The following SLK variants were observed in gnomAD, a reference collection of about 807,000 sequenced individuals.
SLK encodes STE20 like kinase, also known as STE20-like serine/threonine-protein kinase.
SLK carries 67 observed loss-of-function variants against 147.7 expected under a neutral mutation model. The ratio of observed to expected loss-of-function variants is 0.45; its 90% CI spans 0.37 to 0.56. The LOEUF (loss-of-function observed/expected upper bound fraction) is 0.56, where lower values mean the gene tolerates loss of function less well. Among genes scored for constraint, SLK ranks in the 20% least tolerant of loss-of-function variants. The pLI, the probability that SLK is intolerant of heterozygous loss-of-function variation, is 0.00. For missense variants in SLK, 1,136 were observed against 1,438.8 expected, an observed-to-expected ratio of 0.79 and a Z score of 3.41; for synonymous variants, 441 against 475.0, an observed-to-expected ratio of 0.93 and a Z score of 0.93.
intron 4 of SLK, among the ~76,000 whole-genome samples, chr10:103,994,034 G>A (rs1357573448): frequency 6.6e-6 from 1 of 151,988 alleles, no homozygotes; most frequent in Non-Finnish European, 1.5e-5. Flanking sequence ...AGCTGGAACT[G>A]CAGGCATGCA....
chr10:104,018,838 A>G lies in SLK; in HGVS notation c.3062A>G (p.Gln1021Arg). The G allele has an allele frequency of 6.2e-7, 1 of 1,613,420 alleles. No individual in the cohort carries two copies. The highest frequency in any genetic ancestry group is 1.1e-5 in the South Asian group (1 of 90,850). ...LEERHLQEKH[Q>R]LLKQQLKDQY... Reference sequence around the variant, plus strand: ...GAACGACACTTACAAGAAAAACACCAGCTGCTCAAACAGCAGCTTAAAGAT... The same window carrying G: ...GAACGACACTTACAAGAAAAACACCGGCTGCTCAAACAGCAGCTTAAAGAT... The change falls in exon 15 of 19, where the codon CAG becomes CGG. Residue 1021 changes from glutamine to arginine, a missense_variant. Gln to Arg is a conservative substitution (Grantham distance 43). Transcript: ENST00000369755.
At position 104,001,449 on chromosome 10, in the gene SLK, C is replaced by G. The variant is rs1314576945; in HGVS notation, c.870C>G (p.Pro290=). The G allele has an allele frequency of 6.2e-7, 1 of 1,612,912 alleles. No homozygotes were observed. Among genetic ancestry groups the G allele is most frequent in the Non-Finnish European group, 8.5e-7 (1 of 1,179,182 alleles). Residue 290 remains proline (P), a synonymous_variant, in exon 8 of 19, where the codon CCC becomes CCG. Coordinates refer to ENST00000369755, the MANE Select transcript of SLK (RefSeq NM_014720.4). The part of the protein sequence containing the change: ...RWTTSQLLQH[P]FVTVDSNKPI... ...TTCTTTTTAATGATCAACAGCATCC[C>G]TTTGTTACTGTTGATTCCAACAAAC... is the stretch of plus-strand genomic sequence containing the variant.
intron 13 of SLK, among the ~76,000 whole-genome samples, chr10:104,014,280 T>C (rs1014059283): frequency 6.6e-6 from 1 of 152,252 alleles, no homozygotes; most frequent in Admixed American, 6.5e-5. Context: ...TTTCCATTTA[T>C]TCAAGTAGTC....
intron 1 of SLK, among the ~76,000 whole-genome samples, chr10:103,989,428 C>T (rs944551813): frequency 6.7e-6 from 1 of 149,492 alleles, no homozygotes. Flanking sequence ...TGTATGCAGA[C>T]TCTTTCAGCC....
intron 2 of SLK, among the ~76,000 whole-genome samples, chr10:103,991,725 A>G (rs1280382794): frequency 6.6e-6 from 1 of 152,102 alleles, no homozygotes; most frequent in Non-Finnish European, 1.5e-5. Flanking sequence ...AAAAAAAAAT[A>G]AAGCATTATG....
At position 103,992,973 on chromosome 10, in the gene SLK, TCTC is replaced by T. The variant is rs1449171484; in HGVS notation, c.365-8_365-6del. 8 of 1,599,730 alleles carry T rather than the reference TCTC, an allele frequency of 5.0e-6. No homozygotes were observed. Among genetic ancestry groups the T allele is most frequent in the Non-Finnish European group, 6.8e-6 (8 of 1,174,196 alleles). On this transcript the variant is annotated splice_region_variant and splice_polypyrimidine_tract_variant and intron_variant, in intron 3 of 18. Coordinates refer to ENST00000369755, the MANE Select transcript of SLK (RefSeq NM_014720.4). ...AAAAAGCAGATTTTTTTTTTTACTT[TCTC>T]CTTATAGAACTTGAGAGACCATTAA... is the stretch of plus-strand genomic sequence containing the variant.
chr10:103,973,890 GA>G (rs146658628), intron 1 of SLK, among the ~76,000 whole-genome samples: 30,108 of 152,024 alleles, frequency 0.2, 3,244 homozygotes, highest in Non-Finnish European at 0.24. Flanking sequence ...AGTTTTTAAA[GA>G]ATTTTTAAGA....
Position 103,998,794 on chromosome 10 carries a change from A to G in SLK, c.515-105A>G, listed in dbSNP as rs1035445048. 1.9e-5 allele frequency: 13 copies of G among 667,006 alleles called. No individual in the cohort carries two copies. The African/African-American group carries it at 2.4e-4, about 12-fold the overall frequency. The allele number at this position is 667,006 out of a possible 1,614,324, so 41.3% of individuals were successfully genotyped here. On this transcript the variant is annotated intron_variant, in intron 4 of 18. Coordinates refer to ENST00000369755, the MANE Select transcript of SLK (RefSeq NM_014720.4). ...TCTTTCTGTTTAACTTACTTTTTAT[A>G]ATAAGATTAGCCTTATTAAAGACTT...
chr10:104,019,593 G>A, intron 15 of SLK, 141 bp from the exon 16 acceptor site: 1 of 700,594 alleles, frequency 1.4e-6, no homozygotes, highest in South Asian at 1.8e-5. Flanking sequence ...AAGTTATTTT[G>A]TGCCTAGTAT....
chr10:104,016,302 G>GAGCA (rs1844465156), intron 13 of SLK, among the ~76,000 whole-genome samples: 1 of 150,992 alleles, frequency 6.6e-6, no homozygotes, highest in Non-Finnish European at 1.5e-5. Flanking sequence ...CTGGGTGACA[G>GAGCA]AGCAAGACTC....
intron 18 of SLK, among the ~76,000 whole-genome samples, chr10:104,024,975 G>A (rs760317634): frequency 4.6e-5 from 7 of 152,134 alleles, no homozygotes; most frequent in Non-Finnish European, 7.4e-5. Context: ...CATAGTATCC[G>A]CACATTAGGG....
At position 103,990,697 on chromosome 10, in the gene SLK, T is replaced by G; in HGVS notation, c.173T>G (p.Val58Gly). 1 of 1,567,848 alleles carries G rather than the reference T, an allele frequency of 6.4e-7. No homozygotes were observed. The highest frequency in any genetic ancestry group is 8.6e-7 in the Non-Finnish European group (1 of 1,161,184). ...VYKAQNKETS[V>G]LAAAKVIDTK... ...CAGGCCCAGAATAAAGAGACCAGTGTTTTAGCTGCTGCAAAAGTGATTGAC... is the reference window on the plus strand; with the variant it reads ...CAGGCCCAGAATAAAGAGACCAGTGGTTTAGCTGCTGCAAAAGTGATTGAC... Residue 58 changes from valine (V) to glycine (G), a missense_variant, in exon 2 of 19, where the codon GTT becomes GGT. By Grantham distance (109) the Val-to-Gly change is moderately radical (BLOSUM62 -3). Around this residue, in one of 6 missense-constraint regions of SLK, gnomAD observed 126 missense variants for 141.3 expected, o/e 0.89. Transcript: ENST00000369755.
At position 104,023,924 on chromosome 10, in the gene SLK, G is replaced by C. The variant is rs183863671; in HGVS notation, c.3562-1650G>C. On this transcript the variant is annotated intron_variant, in intron 18 of 18. Coordinates refer to ENST00000369755, the MANE Select transcript of SLK (RefSeq NM_014720.4). ...GTGTTGACTAAAGAGTATAAACTCA[G>C]TAGAGAGAAAACCAAACTCAGCATC... Among the ~76,000 whole-genome samples the C allele has an allele frequency of 2.0e-5, 3 of 152,322 alleles. No homozygotes were observed. In the East Asian group the frequency reaches 5.8e-4, roughly 29 times the overall value.
chr10:104,000,592 CAG>C (rs1844232642), intron 7 of SLK, among the ~76,000 whole-genome samples: 1 of 152,182 alleles, frequency 6.6e-6, no homozygotes, highest in Non-Finnish European at 1.5e-5. Context: ...TAGTCTGCGA[CAG>C]ACACTGTTAA....
chr10:104,014,643 T>TA (rs1349297652), intron 13 of SLK, among the ~76,000 whole-genome samples: 1 of 152,226 alleles, frequency 6.6e-6, no homozygotes, highest in Non-Finnish European at 1.5e-5. Context: ...TGTTTTCATT[T>TA]AAAATGATCA....
At chr10:103,982,914 A>T (rs1296307266) in intron 1 of SLK, among the ~76,000 whole-genome samples, 1 of 152,204 alleles carries the variant, frequency 6.6e-6, no homozygotes, top group Non-Finnish European at 1.5e-5. Flanking sequence ...CCCAAGTCTG[A>T]CATCTGTTTT....
intron 6 of SLK, 56 bp downstream of exon 6, chr10:103,999,369 C>A: frequency 3.9e-6 from 5 of 1,270,464 alleles, no homozygotes; most frequent in Non-Finnish European, 5.5e-6. Context: ...GGAAGCAGAA[C>A]TTGATGTTAT....
intron 14 of SLK, among the ~76,000 whole-genome samples, 162 bp from the exon 15 acceptor site, chr10:104,018,622 T>C (rs1290394340): frequency 2.6e-5 from 4 of 152,222 alleles, no homozygotes; most frequent in Admixed American, 1.3e-4. Context: ...GTAATAGATA[T>C]TGCCTTACAT....
intron 1 of SLK, among the ~76,000 whole-genome samples, chr10:103,972,818 AAT>A (rs1843812083): frequency 6.6e-6 from 1 of 152,278 alleles, no homozygotes; most frequent in Admixed American, 6.5e-5. Context: ...TAATTCTTTT[AAT>A]ATGTTTTTGG....
Sources: allele counts gnomAD v4.1 joint callset (sites outside exome capture counted in the v4.1 genomes callset), GRCh38; gene constraint gnomAD v4.1.1; regional missense constraint gnomAD v4.1.1; transcripts MANE v1.5; gene names NCBI Gene and HGNC (gene_info 2026-07-23, HGNC 2026-07-21).